The following RIMS2 variants were observed in gnomAD, a reference collection of about 807,000 sequenced individuals.
RIMS2 encodes the protein regulating synaptic membrane exocytosis 2, also known as regulating synaptic membrane exocytosis protein 2.
RIMS2 carries 59 observed loss-of-function variants against 174.4 expected under a neutral mutation model. The ratio of observed to expected loss-of-function variants is 0.34; its 90% CI spans 0.27 to 0.42. The LOEUF (loss-of-function observed/expected upper bound fraction) is 0.42, where lower values mean the gene tolerates loss of function less well. RIMS2 is among the 10% of genes least tolerant of loss of function. RIMS2 has a pLI of 1.00. For missense variants in RIMS2, 1,620 were observed against 1,666.3 expected (o/e 0.97, Z 0.48); for synonymous variants, 606 against 572.5 (o/e 1.06, Z -0.84).
chr8:103,723,748 G>C (rs2097487317), intron 2 of RIMS2, among the ~76,000 whole-genome samples: 1 of 152,196 alleles, frequency 6.6e-6, no homozygotes, highest in African/African-American at 2.4e-5. Flanking sequence ...TGGTCCCTGA[G>C]CCAACATGAA....
chr8:103,754,558 G>A (rs921771317), intron 2 of RIMS2, among the ~76,000 whole-genome samples: 3 of 152,126 alleles, frequency 2.0e-5, no homozygotes, highest in Non-Finnish European at 4.4e-5. Flanking sequence ...TATTGTGTGG[G>A]AGTCTAAGTC....
chr8:103,753,691 T>C (rs2097926661), intron 2 of RIMS2, among the ~76,000 whole-genome samples: 1 of 152,206 alleles, frequency 6.6e-6, no homozygotes, highest in Admixed American at 6.5e-5. Flanking sequence ...ATTCATTTCT[T>C]CTTGATTTTC....
chr8:104,085,305 G>A (rs2065977638), intron 19 of RIMS2, among the ~76,000 whole-genome samples: 1 of 152,182 alleles, frequency 6.6e-6, no homozygotes, highest in Middle Eastern at 3.4e-3. Flanking sequence ...TGTAGGCTTG[G>A]GTTTGAACTC....
chr8:103,968,545 G>T, intron 15 of RIMS2, among the ~76,000 whole-genome samples: 1 of 149,122 alleles, frequency 6.7e-6, no homozygotes, highest in African/African-American at 2.5e-5. Context: ...TCTAGAGTTT[G>T]TAGTATACAT....
chr8:103,863,883 C>T (rs1333939975), intron 3 of RIMS2, among the ~76,000 whole-genome samples: 2 of 135,468 alleles, frequency 1.5e-5, no homozygotes, highest in African/African-American at 2.9e-5. Flanking sequence ...TTTCAAAGAA[C>T]CAAGTTTTTT....
At chr8:104,145,719 C>T (rs113290240) in intron 19 of RIMS2, among the ~76,000 whole-genome samples, 8 of 92,838 alleles carry the variant, frequency 8.6e-5, no homozygotes, top group African/African-American at 4.0e-4. Flanking sequence ...ATAAATTCGC[C>T]GGACATGGTG....
chr8:103,661,060 C>A (rs905114406), intron 1 of RIMS2, among the ~76,000 whole-genome samples: 1 of 152,194 alleles, frequency 6.6e-6, no homozygotes, highest in East Asian at 1.9e-4. Context: ...TTGCCTAGCA[C>A]CACTATTTTC....
At chr8:103,532,866 C>G (rs1056228252) in intron 1 of RIMS2, among the ~76,000 whole-genome samples, 1 of 150,900 alleles carries the variant, frequency 6.6e-6, no homozygotes, top group Non-Finnish European at 1.5e-5. Context: ...AACAAAAAAA[C>G]AAAAAAAGAA....
At chr8:104,213,504 G>T (rs1193321303) in intron 19 of RIMS2, among the ~76,000 whole-genome samples, 1 of 152,150 alleles carries the variant, frequency 6.6e-6, no homozygotes, top group African/African-American at 2.4e-5. Flanking sequence ...ATTCCCGTTT[G>T]CTCATTATTT....
At chr8:104,189,024 G>GT (rs1303769149) in intron 19 of RIMS2, among the ~76,000 whole-genome samples, 9 of 151,648 alleles carry the variant, frequency 5.9e-5, no homozygotes, top group African/African-American at 2.2e-4. Context: ...GTTAAATTAT[G>GT]TTTTTTGTAT....
chr8:103,544,818 G>A (rs184329914), intron 1 of RIMS2, among the ~76,000 whole-genome samples: 20 of 152,262 alleles, frequency 1.3e-4, no homozygotes, highest in Admixed American at 7.8e-4. Flanking sequence ...GAATCAAAGC[G>A]AGTTGAGTGA....
chr8:103,598,297 G>C (rs1392175028), intron 1 of RIMS2, among the ~76,000 whole-genome samples: 1 of 152,158 alleles, frequency 6.6e-6, no homozygotes, highest in Non-Finnish European at 1.5e-5. Context: ...GGATTCCAAA[G>C]CAATTCCTGA....
At chr8:103,782,639 T>A (rs768956513) in intron 3 of RIMS2, among the ~76,000 whole-genome samples, 1 of 152,182 alleles carries the variant, frequency 6.6e-6, no homozygotes, top group Non-Finnish European at 1.5e-5. Flanking sequence ...GGGTTTTAGT[T>A]TCTAATTCAT....
intron 3 of RIMS2, among the ~76,000 whole-genome samples, chr8:103,779,147 A>T (rs1439443757): frequency 6.6e-6 from 1 of 152,076 alleles, no homozygotes; most frequent in Non-Finnish European, 1.5e-5. Flanking sequence ...CTGGTTATCA[A>T]TTCCTTGCTA....
intron 19 of RIMS2, among the ~76,000 whole-genome samples, chr8:104,151,755 A>C (rs2098691000): frequency 6.6e-6 from 1 of 152,226 alleles, no homozygotes; most frequent in Admixed American, 6.5e-5. Context: ...AGAGTTACAA[A>C]GTTTAGGTAA....
intron 19 of RIMS2, among the ~76,000 whole-genome samples, chr8:104,132,556 G>T (rs2098481845): frequency 6.6e-6 from 1 of 152,112 alleles, no homozygotes; most frequent in African/African-American, 2.4e-5. Flanking sequence ...AGGAGGGAAT[G>T]AAAGCAAAAA....
chr8:104,073,545 C>T (rs1598271685), intron 19 of RIMS2, among the ~76,000 whole-genome samples: 1 of 152,130 alleles, frequency 6.6e-6, no homozygotes, highest in Non-Finnish European at 1.5e-5. Context: ...GCAGTTATAT[C>T]ATAATTTTCC....
chr8:104,104,613 A>G (rs576341808), intron 19 of RIMS2, among the ~76,000 whole-genome samples: 2 of 152,302 alleles, frequency 1.3e-5, no homozygotes, highest in African/African-American at 4.8e-5. Flanking sequence ...TTTAGTTATA[A>G]TATGTCTTTG....
chr8:104,128,069 G>A (rs1382333082), intron 19 of RIMS2, among the ~76,000 whole-genome samples: 1 of 152,174 alleles, frequency 6.6e-6, no homozygotes, highest in Admixed American at 6.5e-5. Flanking sequence ...AACTGAAACA[G>A]GTGAAACAGG....
Sources: gnomAD v4.1 joint callset for allele counts (sites outside exome capture counted in the v4.1 genomes callset) on GRCh38, gnomAD v4.1.1 for gene constraint, MANE v1.5 for transcripts, NCBI Gene and HGNC (gene_info 2026-07-23, HGNC 2026-07-21) for gene names.